CPNE5: variants seen among roughly 807,000 people sequenced by gnomAD.
The protein encoded by CPNE5 is copine 5, also known as copine-5.
Under a neutral mutation model 81.1 loss-of-function variants are expected in CPNE5, and 42 were observed. The ratio of observed to expected loss-of-function variants is 0.52; its 90% CI spans 0.40 to 0.67. The LOEUF (loss-of-function observed/expected upper bound fraction) is 0.67. Ranked by LOEUF, CPNE5 falls within the 30% of genes least tolerant of loss-of-function variation. CPNE5 has a pLI of 0.00. For synonymous variants in CPNE5, 313 were observed against 321.5 expected (o/e 0.97, Z 0.28); for missense variants, 612 against 815.5 (o/e 0.75, Z 3.04).
chr6:36,782,817 AC>A (rs1768152724), intron 8 of CPNE5, among the ~76,000 whole-genome samples: 1 of 6,678 alleles, frequency 1.5e-4, no homozygotes, highest in African/African-American at 5.3e-4. Flanking sequence ...AAAAACCAAA[AC>A]ACACACACAC....
At chr6:36,752,732 C>T (rs1764982792) in intron 14 of CPNE5, 2 of 242,818 alleles carry the variant, frequency 8.2e-6, no homozygotes, top group South Asian at 2.5e-4. Flanking sequence ...ATCCCCAAGC[C>T]CTTGGCTTTC....
intron 3 of CPNE5, among the ~76,000 whole-genome samples, chr6:36,804,708 A>G (rs1189387050): frequency 4.0e-5 from 6 of 150,806 alleles, no homozygotes; most frequent in African/African-American, 1.5e-4. Flanking sequence ...CCATTAAGGA[A>G]GATGACAAGG....
At chr6:36,782,507 G>A (rs935904928) in intron 8 of CPNE5, among the ~76,000 whole-genome samples, 50 of 152,038 alleles carry the variant, frequency 3.3e-4, no homozygotes, top group Admixed American at 3.1e-3. Context: ...ACCCGATGGC[G>A]AAAAATGGCA....
chr6:36,768,172 G>T (rs1302816185), intron 10 of CPNE5, among the ~76,000 whole-genome samples: 3 of 150,058 alleles, frequency 2.0e-5, no homozygotes, highest in Non-Finnish European at 4.4e-5. Flanking sequence ...CAGAGACAGG[G>T]GGAAGACCAT....
chr6:36,764,080 A>AC (rs1291143515), intron 11 of CPNE5, among the ~76,000 whole-genome samples: 10 of 50,834 alleles, frequency 2.0e-4, no homozygotes, highest in South Asian at 1.1e-3. Flanking sequence ...CTGGGGCCCC[A>AC]CCCCCCCACC....
rs1766176001 is a variant in CPNE5 at position 36,762,775 on chromosome 6, C to G, written c.855+142G>C. On this transcript the variant is annotated intron_variant, in intron 12 of 20. Transcript: ENST00000244751. The stretch of plus-strand genomic sequence containing the variant: ...TTCTCGCACTTCTCCAAGACTTGGT[C>G]TCCTTAACGGTAGAATGGGACAATA... 9.1e-6 allele frequency: 6 copies of G among 661,842 alleles called. No homozygotes were observed. In the South Asian group the frequency reaches 1.1e-4, roughly 13 times the overall value. 41.0% of individuals were successfully genotyped at this position (661,842 alleles called of 1,614,324 possible).
At chr6:36,798,726 C>T (rs1233050080) in intron 4 of CPNE5, among the ~76,000 whole-genome samples, 1 of 152,064 alleles carries the variant, frequency 6.6e-6, no homozygotes, top group African/African-American at 2.4e-5. Flanking sequence ...AAAAATGCAT[C>T]GTGGAGTAGG....
At chr6:36,761,768 G>C (rs747911960) in intron 12 of CPNE5, among the ~76,000 whole-genome samples, 3 of 152,220 alleles carry the variant, frequency 2.0e-5, no homozygotes, top group Non-Finnish European at 4.4e-5. Context: ...TAGCTAGTAA[G>C]TGGTAGAGTC....
chr6:36,784,032 A>G (rs1768291932), intron 8 of CPNE5, among the ~76,000 whole-genome samples: 1 of 152,256 alleles, frequency 6.6e-6, no homozygotes, highest in Non-Finnish European at 1.5e-5. Context: ...AATCCATTTT[A>G]GAAAGGCCTC....
rs1766586105 is a variant in CPNE5 at position 36,766,624 on chromosome 6, T to A, written c.738-1248A>T. Among the ~76,000 whole-genome samples, 1 of 151,434 alleles carries A rather than the reference T, an allele frequency of 6.6e-6. No individual in the cohort carries two copies. The highest frequency in any genetic ancestry group is 1.5e-5 in the Non-Finnish European group (1 of 67,854). On this transcript the variant is annotated intron_variant, in intron 10 of 20. Transcript: ENST00000244751. This position sits in a 1 kb window ranked among gnomAD's most constrained non-coding sequence, Gnocchi z 4.2. Reference sequence around the variant, plus strand: ...AGGTGGGTTGATGAGCTGGAAAGAGTGGAAAGACCAGGACGGCCCTACGCT... The same window carrying A: ...AGGTGGGTTGATGAGCTGGAAAGAGAGGAAAGACCAGGACGGCCCTACGCT...
chr6:36,768,235 T>C lies in CPNE5; in HGVS notation c.738-2859A>G, dbSNP rs1464487240. ...ACTCTATTCACAGTTCTTTTTTTTTTTTTTTTTTTTTTTTTTTGAGACAGA... is the reference window on the plus strand; with the variant it reads ...ACTCTATTCACAGTTCTTTTTTTTTCTTTTTTTTTTTTTTTTTGAGACAGA... On this transcript the variant is annotated intron_variant, in intron 10 of 20. Coordinates refer to ENST00000244751, the MANE Select transcript of CPNE5 (RefSeq NM_020939.2). 8.4e-5 allele frequency among the ~76,000 whole-genome samples: 9 copies of C among 107,500 alleles called. 3 individuals are homozygous for C. The highest frequency in any genetic ancestry group is 1.9e-4 in the Admixed American group (2 of 10,554). The allele number at this position is 107,500 out of a possible 152,430, so 70.5% of individuals were successfully genotyped here.
chr6:36,790,277 T>G (rs183430957), intron 8 of CPNE5, among the ~76,000 whole-genome samples: 4 of 152,330 alleles, frequency 2.6e-5, no homozygotes, highest in Admixed American at 2.6e-4. Flanking sequence ...CTTACCACAG[T>G]GTATGGCCCA....
At position 36,794,754 on chromosome 6, in the gene CPNE5, T is replaced by G. The variant is rs934297418; in HGVS notation, c.405-105A>C. 1.5e-4 allele frequency: 147 copies of G among 996,690 alleles called. 1 individual carries two copies. The East Asian group carries it at 3.8e-3, about 26-fold the overall frequency. The allele number at this position is 996,690 out of a possible 1,614,324, so 61.7% of individuals were successfully genotyped here. A position where few individuals can be genotyped will look rare whatever the true frequency, so the allele number is the denominator to read the frequency against. On this transcript the variant is annotated intron_variant, in intron 6 of 20. Coordinates refer to ENST00000244751, the MANE Select transcript of CPNE5 (RefSeq NM_020939.2). ...GATGCTTGGAGACAAGCGGCTGCTC[T>G]GGAAGTCATTAAAACAGGATCAAAG...
intron 1 of CPNE5, among the ~76,000 whole-genome samples, chr6:36,833,064 C>A (rs1470653939): frequency 2.0e-5 from 3 of 152,172 alleles, no homozygotes; most frequent in African/African-American, 7.2e-5. Flanking sequence ...AGACTGCCTA[C>A]CTTTTGGTCA....
At chr6:36,805,117 T>C (rs944617115) in intron 3 of CPNE5, among the ~76,000 whole-genome samples, 3 of 152,080 alleles carry the variant, frequency 2.0e-5, no homozygotes, top group Non-Finnish European at 1.5e-5. Flanking sequence ...GAAGAGACGT[T>C]GAAAAAAAAA....
chr6:36,815,945 G>A (rs1200498842), intron 3 of CPNE5, among the ~76,000 whole-genome samples: 1 of 152,218 alleles, frequency 6.6e-6, no homozygotes, highest in Non-Finnish European at 1.5e-5. Context: ...ACAGCTGCCT[G>A]GTGAGGGAGG....
Position 36,746,302 on chromosome 6 carries a change from C to G in CPNE5, c.1200+94G>C. The G allele has an allele frequency of 4.1e-6, 6 of 1,471,546 alleles. No homozygotes were observed. The highest frequency in any genetic ancestry group is 4.5e-6 in the Non-Finnish European group (5 of 1,106,498). 91.2% of individuals were successfully genotyped at this position (1,471,546 alleles called of 1,614,324 possible). On this transcript the variant is annotated intron_variant, in intron 16 of 20. Coordinates refer to ENST00000244751, the MANE Select transcript of CPNE5 (RefSeq NM_020939.2). This position sits in a 1 kb window ranked among gnomAD's most constrained non-coding sequence, Gnocchi z 4.5. ...CCACTGAGGCTGAGCCTTAAGTCCC[C>G]GGGCTCAGAGGAAGGGAAACGTCCC...
At chr6:36,814,223 C>G (rs1771342795) in intron 3 of CPNE5, among the ~76,000 whole-genome samples, 1 of 152,162 alleles carries the variant, frequency 6.6e-6, no homozygotes, top group Admixed American at 6.5e-5. Context: ...GAAAAGATCT[C>G]TAGTGGAGGA....
At chr6:36,794,399 G>A (rs1282117444) in intron 7 of CPNE5, among the ~76,000 whole-genome samples, 191 bp downstream of exon 7, 1 of 152,172 alleles carries the variant, frequency 6.6e-6, no homozygotes, top group African/African-American at 2.4e-5. Flanking sequence ...GGGGCCCACT[G>A]CCGAGTGGGG....
Sources: gnomAD v4.1 joint callset for allele counts (sites outside exome capture counted in the v4.1 genomes callset) on GRCh38, gnomAD v4.1.1 for gene constraint, Gnocchi (gnomAD v3.1) non-coding constraint, MANE v1.5 for transcripts, NCBI Gene and HGNC (gene_info 2026-07-23, HGNC 2026-07-21) for gene names.